Variants in PRKN observed in about 807,000 individuals in gnomAD.
PRKN encodes the protein E3 ubiquitin-protein ligase parkin.
In PRKN, 56 loss-of-function variants were observed where a neutral mutation model predicts 59.5. The ratio of observed to expected loss-of-function variants is 0.94; its 90% CI spans 0.76 to 1.18. The LOEUF (loss-of-function observed/expected upper bound fraction) is 1.18, where lower values mean the gene tolerates loss of function less well. PRKN is among the 50% of genes most tolerant of loss of function. PRKN has a pLI of 0.00. For synonymous variants in PRKN, 250 were observed against 222.1 expected (o/e 1.13, Z -1.12); for missense variants, 657 against 596.4 (o/e 1.10, Z -1.06).
intron 1 of PRKN, among the ~76,000 whole-genome samples, chr6:162,680,714 T>G (rs2128232640): frequency 1.3e-5 from 2 of 152,264 alleles, no homozygotes; most frequent in Admixed American, 1.3e-4. Flanking sequence ...AGGTAATAAC[T>G]CTATTGAAAA....
intron 4 of PRKN, among the ~76,000 whole-genome samples, chr6:162,127,020 T>C (rs904737170): frequency 2.6e-5 from 4 of 152,204 alleles, no homozygotes; most frequent in African/African-American, 9.7e-5. Flanking sequence ...TCTGCACCAA[T>C]GTAGTGTCAC....
Position 161,584,486 on chromosome 6 carries a change from G to C in PRKN, c.872-15070C>G, listed in dbSNP as rs532435043. Among the ~76,000 whole-genome samples the C allele has an allele frequency of 6.6e-6, 1 of 152,104 alleles. No individual in the cohort carries two copies. Among genetic ancestry groups the C allele is most frequent in the Non-Finnish European group, 1.5e-5 (1 of 68,022 alleles). ...ATAATCTTCATGTGCCAAATTGGGG[G>C]AAAAAACCTTATGGCTGGCCTGTTA... On this transcript the variant is annotated intron_variant, in intron 7 of 11. Coordinates refer to ENST00000366898, the MANE Select transcript of PRKN (RefSeq NM_004562.3). This position sits in a 1 kb window ranked among gnomAD's most constrained non-coding sequence, Gnocchi z 4.8.
intron 1 of PRKN, among the ~76,000 whole-genome samples, chr6:162,544,451 C>T (rs747409381): frequency 1.3e-5 from 2 of 152,066 alleles, no homozygotes; most frequent in African/African-American, 2.4e-5. Context: ...GTTAATTATA[C>T]AGCACAGGAG....
rs888138150 is a variant in PRKN at position 161,419,383 on chromosome 6, T to A, written c.1084-32506A>T. On this transcript the variant is annotated intron_variant, in intron 9 of 11. Coordinates refer to ENST00000366898, the MANE Select transcript of PRKN (RefSeq NM_004562.3). This position sits in a 1 kb window ranked among gnomAD's most constrained non-coding sequence, Gnocchi z 4.1. ...AACACAGAGGGCCTTTCCTTTTTTC[T>A]TTTTTCTTCTTCTTTTTTTTTTTAA... Among the ~76,000 whole-genome samples the A allele has an allele frequency of 1.8e-5, 2 of 112,814 alleles. No individual in the cohort carries two copies. Among genetic ancestry groups the A allele is most frequent in the African/African-American group, 6.9e-5 (2 of 29,152 alleles). The allele number at this position is 112,814 out of a possible 152,430, so 74.0% of individuals were successfully genotyped here. A position where few individuals can be genotyped will look rare whatever the true frequency, so the allele number is the denominator to read the frequency against.
At chr6:161,932,837 G>T (rs1394382761) in intron 6 of PRKN, among the ~76,000 whole-genome samples, 1 of 151,330 alleles carries the variant, frequency 6.6e-6, no homozygotes, top group East Asian at 1.9e-4. Flanking sequence ...TTTTTTTCAA[G>T]AACAAAGACT....
chr6:161,504,704 GT>G (rs1778090603), intron 9 of PRKN, among the ~76,000 whole-genome samples: 1 of 127,934 alleles, frequency 7.8e-6, no homozygotes, highest in South Asian at 2.6e-4. Context: ...TCCCCAGAGT[GT>G]GATGTTCCCC....
chr6:162,116,112 A>G (rs1289693554), intron 4 of PRKN, among the ~76,000 whole-genome samples: 1 of 152,208 alleles, frequency 6.6e-6, no homozygotes, highest in Admixed American at 6.5e-5. Flanking sequence ...GGGCTGACAC[A>G]TTACCCTTGA....
chr6:161,396,127 A>T lies in PRKN; in HGVS notation c.1084-9250T>A, dbSNP rs930390498. On this transcript the variant is annotated intron_variant, in intron 9 of 11. Transcript: ENST00000366898. This position sits in a 1 kb window ranked among gnomAD's most constrained non-coding sequence, Gnocchi z 5.4. The stretch of plus-strand genomic sequence containing the variant: ...GAGTGCTGTATGCTCTCGGTCCCTA[A>T]TCCCCCGCCTCTTTTCTTACTTTCT... Among the ~76,000 whole-genome samples the T allele has an allele frequency of 6.6e-6, 1 of 152,124 alleles. No individual in the cohort carries two copies. Among genetic ancestry groups the T allele is most frequent in the Admixed American group, 6.5e-5 (1 of 15,280 alleles).
chr6:161,487,072 G>C lies in PRKN; in HGVS notation c.1083+61782C>G, dbSNP rs1791684818. ...GAATAGGTGCCACGGAGTGAGACGG[G>C]GAAAGATGGGTGTCCTGGTTGAGGG... is the stretch of plus-strand genomic sequence containing the variant. On this transcript the variant is annotated intron_variant, in intron 9 of 11. Transcript: ENST00000366898. This position sits in a 1 kb window ranked among gnomAD's most constrained non-coding sequence, Gnocchi z 5.3. Among the ~76,000 whole-genome samples the C allele has an allele frequency of 6.6e-6, 1 of 152,184 alleles. No individual in the cohort carries two copies. The highest frequency in any genetic ancestry group is 2.1e-4 in the South Asian group (1 of 4,832).
chr6:162,513,944 G>A (rs1777738289), intron 1 of PRKN, among the ~76,000 whole-genome samples: 1 of 151,932 alleles, frequency 6.6e-6, no homozygotes, highest in Admixed American at 6.6e-5. Context: ...TACGTGGGAG[G>A]CTGAGGCAGG....
chr6:162,125,568 G>C (rs1292237715), intron 4 of PRKN, among the ~76,000 whole-genome samples: 1 of 152,148 alleles, frequency 6.6e-6, no homozygotes, highest in African/African-American at 2.4e-5. Context: ...TGGAAATCTA[G>C]GGAAAAGATC....
intron 3 of PRKN, among the ~76,000 whole-genome samples, chr6:162,213,443 C>T (rs936046665): frequency 6.6e-6 from 1 of 151,574 alleles, no homozygotes; most frequent in Admixed American, 6.5e-5. Context: ...AATAGTAAAA[C>T]GATGCTGGGC....
chr6:161,601,773 G>A (rs368603817), intron 7 of PRKN, among the ~76,000 whole-genome samples: 5 of 152,020 alleles, frequency 3.3e-5, no homozygotes, highest in African/African-American at 7.2e-5. Context: ...TAGTAGAGAC[G>A]GGGTTTCACC....
At chr6:162,200,132 G>A (rs756855433) in intron 4 of PRKN, among the ~76,000 whole-genome samples, 5 of 152,200 alleles carry the variant, frequency 3.3e-5, no homozygotes, top group Non-Finnish European at 5.9e-5. Flanking sequence ...GCTGGTGCCT[G>A]GGGTATTTAC....
At position 162,026,417 on chromosome 6, in the gene PRKN, A is replaced by T. The variant is rs565287482; in HGVS notation, c.618+27674T>A. ...AAAGAACCAGAATGTAGGTCCTGTA[A>T]CCTACTGAGTTTTCATTGGCTTCAT... is the stretch of plus-strand genomic sequence containing the variant. On this transcript the variant is annotated intron_variant, in intron 5 of 11. Transcript: ENST00000366898. Among the ~76,000 whole-genome samples the T allele has an allele frequency of 5.9e-5, 9 of 152,302 alleles. No individual in the cohort carries two copies. The South Asian group carries it at 8.3e-4, about 14-fold the overall frequency.
intron 6 of PRKN, among the ~76,000 whole-genome samples, chr6:161,796,220 G>T (rs1790842626): frequency 2.0e-5 from 3 of 152,122 alleles, no homozygotes; most frequent in Admixed American, 6.5e-5. Context: ...AGTCTAATTT[G>T]TGTATTGCAT....
intron 3 of PRKN, among the ~76,000 whole-genome samples, chr6:162,226,063 TTAATAATAA>T (rs746613563): frequency 2.8e-4 from 40 of 141,222 alleles, no homozygotes; most frequent in Admixed American, 7.1e-4. Flanking sequence ...ATCAATAAGT[TTAATAATAA>T]TAATAATAAT....
intron 7 of PRKN, among the ~76,000 whole-genome samples, chr6:161,613,001 C>T (rs1370544349): frequency 6.6e-6 from 1 of 152,158 alleles, no homozygotes; most frequent in Non-Finnish European, 1.5e-5. Context: ...ATAATTTCAA[C>T]TTTTGAGTCT....
At chr6:162,338,694 T>C (rs1413453731) in intron 2 of PRKN, among the ~76,000 whole-genome samples, 10 of 144,914 alleles carry the variant, frequency 6.9e-5, no homozygotes, top group East Asian at 2.1e-4. Flanking sequence ...AAGTGAGGAG[T>C]GTCTCTGCCT....
Sources: allele counts gnomAD v4.1 joint callset (sites outside exome capture counted in the v4.1 genomes callset), GRCh38; gene constraint gnomAD v4.1.1; non-coding constraint Gnocchi (gnomAD v3.1); transcripts MANE v1.5; gene names NCBI Gene and HGNC (gene_info 2026-07-23, HGNC 2026-07-21).